The following MCC variants were observed in gnomAD, a reference collection of about 807,000 sequenced individuals.
MCC encodes colorectal mutant cancer protein.
A neutral mutation model predicts 116.2 loss-of-function variants in MCC; 90 were observed. The observed-to-expected ratio is 0.77, with a 90% CI of 0.65 to 0.92. The LOEUF is 0.92. MCC is among the 40% of genes least tolerant of loss of function. The pLI, the probability that MCC is intolerant of heterozygous loss-of-function variation, is 0.00. For missense variants in MCC, 1,516 were observed against 1,312.2 expected (o/e 1.16, Z -2.40); for synonymous variants, 578 against 510.5 (o/e 1.13, Z -1.78).
At chr5:113,365,075 T>C (rs1768653421) in intron 2 of MCC, among the ~76,000 whole-genome samples, 1 of 152,258 alleles carries the variant, frequency 6.6e-6, no homozygotes, top group Non-Finnish European at 1.5e-5. Flanking sequence ...GTGGCCTAAC[T>C]GAATTCTTCC....
At chr5:113,221,877 A>C (rs925480525) in intron 3 of MCC, among the ~76,000 whole-genome samples, 9 of 151,604 alleles carry the variant, frequency 5.9e-5, no homozygotes, top group African/African-American at 2.2e-4. Context: ...ATACAACTCC[A>C]GTCTCCCACA....
chr5:113,419,462 G>A (rs1770254642), intron 1 of MCC, among the ~76,000 whole-genome samples: 1 of 151,822 alleles, frequency 6.6e-6, no homozygotes, highest in Non-Finnish European at 1.5e-5. Context: ...CTCCCAAAGT[G>A]CTGGGATTAC....
chr5:113,033,063 T>A (rs1211526302), intron 17 of MCC, among the ~76,000 whole-genome samples: 1 of 152,254 alleles, frequency 6.6e-6, no homozygotes, highest in East Asian at 1.9e-4. Context: ...CTAATAAACT[T>A]GCTTTCATTT....
intron 14 of MCC, among the ~76,000 whole-genome samples, chr5:113,058,704 G>A (rs957092143): frequency 5.9e-5 from 9 of 152,206 alleles, no homozygotes; most frequent in African/African-American, 1.9e-4. Context: ...ATGGCCCAGA[G>A]TAAATTACCC....
chr5:113,119,159 T>C (rs1217246552), intron 6 of MCC, among the ~76,000 whole-genome samples: 3 of 152,232 alleles, frequency 2.0e-5, no homozygotes, highest in African/African-American at 7.2e-5. Flanking sequence ...GTGCAGGAAC[T>C]GCTATGCTGG....
At chr5:113,346,011 T>C (rs1244507594) in intron 2 of MCC, among the ~76,000 whole-genome samples, 4 of 152,224 alleles carry the variant, frequency 2.6e-5, no homozygotes, top group Admixed American at 2.6e-4. Context: ...TTTAGAATTC[T>C]ATCAGATAAA....
intron 4 of MCC, among the ~76,000 whole-genome samples, chr5:113,147,797 G>C (rs1337976037): frequency 6.6e-6 from 1 of 152,160 alleles, no homozygotes; most frequent in East Asian, 1.9e-4. Context: ...AAACGAATAG[G>C]AGAGGAATGG....
chr5:113,262,674 G>A (rs775956069), intron 3 of MCC, among the ~76,000 whole-genome samples: 4 of 152,082 alleles, frequency 2.6e-5, no homozygotes, highest in Non-Finnish European at 5.9e-5. Flanking sequence ...AATGCAAATG[G>A]CATCCAAACA....
At chr5:113,081,666 T>C (rs4235789) in intron 11 of MCC, among the ~76,000 whole-genome samples, 138,966 of 152,176 alleles carry the variant, frequency 0.91, 63,591 homozygotes, top group South Asian at 0.96. Flanking sequence ...GCAGTGATAC[T>C]GAAAAGACTG....
At chr5:113,362,565 G>T (rs1768576259) in intron 2 of MCC, among the ~76,000 whole-genome samples, 1 of 151,922 alleles carries the variant, frequency 6.6e-6, no homozygotes, top group Non-Finnish European at 1.5e-5. Flanking sequence ...TAGTTAACAA[G>T]AAACATGCTA....
chr5:113,202,514 A>C (rs757394548), intron 3 of MCC, among the ~76,000 whole-genome samples: 2 of 152,164 alleles, frequency 1.3e-5, no homozygotes, highest in Non-Finnish European at 2.9e-5. Flanking sequence ...CATCACTGTC[A>C]TTCTTTTGGA....
chr5:113,237,922 T>C (rs1291060161), intron 3 of MCC, among the ~76,000 whole-genome samples: 1 of 152,158 alleles, frequency 6.6e-6, no homozygotes, highest in Non-Finnish European at 1.5e-5. Context: ...AGAAAAATAA[T>C]TTCCATGAAT....
In MCC at chr5:113,101,762, C is replaced by A. The variant is rs957272304; in HGVS notation, c.1375G>T (p.Glu459Ter). The A allele has an allele frequency of 3.1e-6, 5 of 1,613,446 alleles. No homozygotes were observed. The highest frequency in any genetic ancestry group is 2.7e-5 in the African/African-American group (2 of 74,940). The change falls in exon 8 of 19, where the codon GAG becomes TAG. Residue 459 changes from glutamate (E) to a stop codon, truncating the protein, a stop_gained. Transcript: ENST00000408903. LOFTEE classifies it high-confidence loss of function. Reference sequence around the variant, plus strand: ...ACCCTCCTCCGGAGCCGGTCCCGCTCTTCCCGGATGGCATTCATGGTGGCC... The same window carrying A: ...ACCCTCCTCCGGAGCCGGTCCCGCTATTCCCGGATGGCATTCATGGTGGCC... ...TKATMNAIRE[E>*]RDRLRRRVRE...
At chr5:113,075,636 G>C (rs1420846735) in intron 11 of MCC, among the ~76,000 whole-genome samples, 4 of 152,168 alleles carry the variant, frequency 2.6e-5, no homozygotes, top group African/African-American at 7.2e-5. Flanking sequence ...TCACCTCTCT[G>C]TAAAACAGAC....
chr5:113,229,186 G>T (rs1218089338), intron 3 of MCC, among the ~76,000 whole-genome samples: 1 of 152,142 alleles, frequency 6.6e-6, no homozygotes, highest in Non-Finnish European at 1.5e-5. Context: ...AGGGGCTGAA[G>T]AATCGGCAGA....
chr5:113,104,152 A>G, intron 7 of MCC, 40 bp downstream of exon 7: 1 of 1,544,148 alleles, frequency 6.5e-7, no homozygotes, highest in Non-Finnish European at 8.8e-7. Flanking sequence ...TTTCCCTTTC[A>G]GAACCTCAAA....
chr5:113,047,603 G>A (rs1029696510), intron 16 of MCC, among the ~76,000 whole-genome samples: 7 of 152,198 alleles, frequency 4.6e-5, no homozygotes, highest in African/African-American at 1.7e-4. Context: ...CTTATGCTAT[G>A]AGAAGCAGCT....
At chr5:113,424,485 C>T (rs1335347905) in intron 1 of MCC, among the ~76,000 whole-genome samples, 2 of 152,052 alleles carry the variant, frequency 1.3e-5, no homozygotes, top group Admixed American at 6.6e-5. Flanking sequence ...GAGGCCAAGG[C>T]GGGTGGATCA....
chr5:113,488,338 CTG>C lies in MCC; in HGVS notation c.75_76del (p.Ser25ArgfsTer34), dbSNP rs1491531377. On this transcript the variant is annotated frameshift_variant, in exon 1 of 19. Transcript: ENST00000408903. LOFTEE classifies it high-confidence loss of function. ...GGTGCTGGACGTGTCGCTGCTGCTG[CTG>C]CTGCTGCCGCTGCCGCCGCCGCCGC... 3 of 1,483,834 alleles carry C rather than the reference CTG, an allele frequency of 2.0e-6. No homozygotes were observed. Among genetic ancestry groups the C allele is most frequent in the Admixed American group, 2.3e-5 (1 of 43,350 alleles). 91.9% of individuals were successfully genotyped at this position (1,483,834 alleles called of 1,614,324 possible). A position where few individuals can be genotyped will look rare whatever the true frequency, so the allele number is the denominator to read the frequency against.
Sources: allele counts gnomAD v4.1 joint callset (sites outside exome capture counted in the v4.1 genomes callset), GRCh38; gene constraint gnomAD v4.1.1; transcripts MANE v1.5; gene names NCBI Gene and HGNC (gene_info 2026-07-23, HGNC 2026-07-21).